The following CDK8 variants were observed in gnomAD, a reference collection of about 807,000 sequenced individuals.
CDK8 encodes the protein cyclin dependent kinase 8.
CDK8 carries 29 observed loss-of-function variants against 71.5 expected under a neutral mutation model. The ratio of observed to expected loss-of-function variants is 0.41; its 90% CI spans 0.30 to 0.55. CDK8 has a LOEUF of 0.55. CDK8 is among the 20% of genes least tolerant of loss of function. CDK8 has a pLI of 0.37. For missense variants in CDK8, 288 were observed against 572.6 expected, an observed-to-expected ratio of 0.50 and a Z score of 5.07; for synonymous variants, 161 against 192.1, an observed-to-expected ratio of 0.84 and a Z score of 1.34.
intron 1 of CDK8, among the ~76,000 whole-genome samples, chr13:26,320,256 A>T (rs1157753760): frequency 6.6e-6 from 1 of 151,870 alleles, no homozygotes; most frequent in Admixed American, 6.6e-5. Flanking sequence ...TAAAAAAGAA[A>T]AAAAAAAGGC....
chr13:26,350,395 G>C (rs992206827), intron 3 of CDK8, among the ~76,000 whole-genome samples: 9 of 152,144 alleles, frequency 5.9e-5, no homozygotes, highest in Non-Finnish European at 1.2e-4. Context: ...AACACTTTGG[G>C]AGGCCAAGAC....
chr13:26,311,391 T>C (rs1234858051), intron 1 of CDK8, among the ~76,000 whole-genome samples: 1 of 152,226 alleles, frequency 6.6e-6, no homozygotes, highest in African/African-American at 2.4e-5. Context: ...CTTGTTTGTC[T>C]GTTAGAATGC....
intron 1 of CDK8, among the ~76,000 whole-genome samples, chr13:26,304,735 C>T (rs1873966276): frequency 6.6e-6 from 1 of 152,056 alleles, no homozygotes. Context: ...ATCCTGGGCT[C>T]AAGGGGTTCT....
At chr13:26,258,524 C>CTCT (rs1392437878) in intron 1 of CDK8, among the ~76,000 whole-genome samples, 2 of 149,438 alleles carry the variant, frequency 1.3e-5, no homozygotes, top group Non-Finnish European at 3.0e-5. Context: ...TAGGACTAAA[C>CTCT]TCTAATGAAA....
chr13:26,283,659 G>T (rs1872867524), intron 1 of CDK8, among the ~76,000 whole-genome samples: 1 of 151,984 alleles, frequency 6.6e-6, no homozygotes, highest in Non-Finnish European at 1.5e-5. Flanking sequence ...CAGCACTTTG[G>T]GAGGCTGAGG....
At chr13:26,364,623 A>G (rs1874299776) in intron 4 of CDK8, among the ~76,000 whole-genome samples, 1 of 152,196 alleles carries the variant, frequency 6.6e-6, no homozygotes, top group South Asian at 2.1e-4. Flanking sequence ...TATTGTTACA[A>G]TCAGAGGGAA....
intron 5 of CDK8, 89 bp downstream of exon 5, chr13:26,382,960 G>T (rs963657465): frequency 2.7e-6 from 2 of 740,146 alleles, no homozygotes; most frequent in Non-Finnish European, 4.4e-6. Context: ...GCTATAATAT[G>T]CATATATTCA....
At chr13:26,393,343 T>C in intron 6 of CDK8, 24 bp from the exon 7 acceptor site, 1 of 1,458,780 alleles carries the variant, frequency 6.9e-7, no homozygotes, top group Non-Finnish European at 9.2e-7. Context: ...TTTCTTTCTT[T>C]TTTTTTTTCT....
At chr13:26,305,994 T>G (rs1874024304) in intron 1 of CDK8, among the ~76,000 whole-genome samples, 1 of 152,202 alleles carries the variant, frequency 6.6e-6, no homozygotes, top group Admixed American at 6.5e-5. Context: ...TTATACTGTA[T>G]TTGGAATTTT....
chr13:26,268,858 CTTGCTTAGATCA>C (rs1383718029), intron 1 of CDK8, among the ~76,000 whole-genome samples: 2 of 152,140 alleles, frequency 1.3e-5, no homozygotes, highest in African/African-American at 4.8e-5. Context: ...TTCTCTTACT[CTTGCTTAGATCA>C]TCTTTCTTTC....
intron 2 of CDK8, among the ~76,000 whole-genome samples, chr13:26,348,862 T>A (rs959069206): frequency 3.9e-5 from 6 of 152,146 alleles, no homozygotes; most frequent in African/African-American, 1.4e-4. Flanking sequence ...CAAAATAGAT[T>A]TACTCAGATA....
intron 1 of CDK8, among the ~76,000 whole-genome samples, chr13:26,311,923 A>C (rs1315944430): frequency 6.6e-6 from 1 of 152,230 alleles, no homozygotes; most frequent in Non-Finnish European, 1.5e-5. Context: ...TCAGCATTCT[A>C]TAAAGAATCA....
intron 1 of CDK8, among the ~76,000 whole-genome samples, chr13:26,256,118 G>A (rs1871511907): frequency 6.6e-6 from 1 of 152,200 alleles, no homozygotes; most frequent in Non-Finnish European, 1.5e-5. Context: ...CAGATCGGCA[G>A]AAGGTAGGGA....
chr13:26,291,733 GT>G (rs1176400085), intron 1 of CDK8, among the ~76,000 whole-genome samples: 1 of 152,046 alleles, frequency 6.6e-6, no homozygotes, highest in African/African-American at 2.4e-5. Flanking sequence ...GAATGATTTG[GT>G]TCTGTTACAT....
chr13:26,382,798 T>G lies in CDK8; in HGVS notation c.457-16T>G. The stretch of plus-strand genomic sequence containing the variant: ...ACTACTGTCTACTGAAAAAAAACAC[T>G]ATTTTGTTTCCACAGAAACCTGCTA... On this transcript the variant is annotated splice_polypyrimidine_tract_variant and intron_variant, in intron 4 of 12. Coordinates refer to ENST00000381527, the MANE Select transcript of CDK8 (RefSeq NM_001260.3). The G allele has an allele frequency of 6.4e-7, 1 of 1,567,406 alleles. No individual in the cohort carries two copies. Among genetic ancestry groups the G allele is most frequent in the Non-Finnish European group, 8.7e-7 (1 of 1,152,778 alleles).
chr13:26,255,696 G>C (rs1243102722), intron 1 of CDK8, among the ~76,000 whole-genome samples: 2 of 152,156 alleles, frequency 1.3e-5, no homozygotes, highest in Admixed American at 6.5e-5. Flanking sequence ...TGTTGTCTCT[G>C]TTGCCTTTGA....
intron 1 of CDK8, among the ~76,000 whole-genome samples, chr13:26,255,031 A>G (rs1480314272): frequency 1.3e-5 from 2 of 152,046 alleles, no homozygotes; most frequent in Non-Finnish European, 2.9e-5. Context: ...TATACTTTTC[A>G]AGGATTTCAA....
intron 1 of CDK8, among the ~76,000 whole-genome samples, chr13:26,288,474 T>A (rs1245580164): frequency 6.6e-6 from 1 of 152,094 alleles, no homozygotes; most frequent in Non-Finnish European, 1.5e-5. Flanking sequence ...TAATTCTAAT[T>A]CATAATAAAT....
chr13:26,263,940 G>C (rs1172573237), intron 1 of CDK8, among the ~76,000 whole-genome samples: 1 of 151,542 alleles, frequency 6.6e-6, no homozygotes, highest in East Asian at 1.9e-4. Context: ...GTAGAGACGG[G>C]GTTTCATCGT....
Sources: gnomAD v4.1 joint callset for allele counts (sites outside exome capture counted in the v4.1 genomes callset) on GRCh38, gnomAD v4.1.1 for gene constraint, MANE v1.5 for transcripts, NCBI Gene and HGNC (gene_info 2026-07-23, HGNC 2026-07-21) for gene names.